LRRTM4: variants seen among roughly 807,000 people sequenced by gnomAD.
The protein encoded by LRRTM4 is leucine-rich repeat transmembrane neuronal protein 4.
In LRRTM4, 25 loss-of-function variants were observed where a neutral mutation model predicts 47.6. The ratio of observed to expected loss-of-function variants is 0.53; its 90% CI spans 0.38 to 0.73. The LOEUF (loss-of-function observed/expected upper bound fraction) is 0.73, where lower values mean the gene tolerates loss of function less well. LRRTM4 is among the 30% of genes least tolerant of loss of function. LRRTM4 has a pLI of 0.00. For missense variants in LRRTM4, 638 were observed against 713.4 expected, an observed-to-expected ratio of 0.89 and a Z score of 1.20; for synonymous variants, 311 against 269.5, an observed-to-expected ratio of 1.15 and a Z score of -1.51.
chr2:76,832,940 A>C (rs938668101), intron 3 of LRRTM4, among the ~76,000 whole-genome samples: 2 of 152,116 alleles, frequency 1.3e-5, no homozygotes, highest in Non-Finnish European at 2.9e-5. Context: ...CAAATTGTCC[A>C]TGTTGAGAAG....
At chr2:77,358,595 T>C (rs1241343937) in intron 3 of LRRTM4, among the ~76,000 whole-genome samples, 1 of 152,194 alleles carries the variant, frequency 6.6e-6, no homozygotes, top group Non-Finnish European at 1.5e-5. Context: ...TATTTGAATA[T>C]TTTTAATAAG....
At chr2:76,830,640 A>G (rs1671323016) in intron 3 of LRRTM4, among the ~76,000 whole-genome samples, 1 of 151,858 alleles carries the variant, frequency 6.6e-6, no homozygotes, top group Non-Finnish European at 1.5e-5. Context: ...TTATATTTAT[A>G]TTAAAATTAA....
At chr2:77,004,958 A>G (rs991998939) in intron 3 of LRRTM4, among the ~76,000 whole-genome samples, 1 of 152,248 alleles carries the variant, frequency 6.6e-6, no homozygotes, top group Admixed American at 6.5e-5. Flanking sequence ...CTCATTTGGA[A>G]TGGGTATATT....
intron 3 of LRRTM4, among the ~76,000 whole-genome samples, chr2:77,189,602 C>T (rs963197134): frequency 6.6e-6 from 1 of 152,072 alleles, no homozygotes; most frequent in Non-Finnish European, 1.5e-5. Context: ...ACCCAAAAGA[C>T]AGTCATCATC....
At chr2:77,148,170 T>C (rs749126644) in intron 3 of LRRTM4, among the ~76,000 whole-genome samples, 1 of 152,202 alleles carries the variant, frequency 6.6e-6, no homozygotes, top group Non-Finnish European at 1.5e-5. Context: ...TCTACCTTCC[T>C]TTCTAACTTT....
intron 3 of LRRTM4, among the ~76,000 whole-genome samples, chr2:76,958,440 A>G (rs1213853998): frequency 1.3e-5 from 2 of 151,796 alleles, no homozygotes; most frequent in African/African-American, 4.8e-5. Context: ...CAGAGGAGAA[A>G]CACCTACGCT....
At chr2:77,426,587 A>G (rs1675113610) in intron 3 of LRRTM4, among the ~76,000 whole-genome samples, 1 of 152,168 alleles carries the variant, frequency 6.6e-6, no homozygotes, top group Non-Finnish European at 1.5e-5. Context: ...TAATTGATTC[A>G]TGGAGCAGTT....
intron 3 of LRRTM4, among the ~76,000 whole-genome samples, chr2:76,932,147 CTT>C (rs1674790637): frequency 6.6e-6 from 1 of 152,036 alleles, no homozygotes; most frequent in South Asian, 2.1e-4. Flanking sequence ...GAAAAAGTAT[CTT>C]GAGCCACGGA....
At chr2:76,990,350 A>C (rs1449606206) in intron 3 of LRRTM4, among the ~76,000 whole-genome samples, 1 of 151,734 alleles carries the variant, frequency 6.6e-6, no homozygotes, top group Non-Finnish European at 1.5e-5. Context: ...CTCACTTAAA[A>C]GGTACAGAGT....
intron 3 of LRRTM4, among the ~76,000 whole-genome samples, chr2:76,894,314 A>G (rs1009510185): frequency 2.6e-5 from 4 of 152,106 alleles, no homozygotes; most frequent in African/African-American, 7.2e-5. Context: ...ATTTGACAAC[A>G]TGGCATAGTA....
chr2:76,966,013 T>G (rs1465787202), intron 3 of LRRTM4, among the ~76,000 whole-genome samples: 2 of 151,450 alleles, frequency 1.3e-5, no homozygotes, highest in East Asian at 3.9e-4. Context: ...TCTACTCTGG[T>G]GGCAAGAGTT....
chr2:77,167,872 C>T (rs945932935), intron 3 of LRRTM4, among the ~76,000 whole-genome samples: 5 of 151,946 alleles, frequency 3.3e-5, no homozygotes, highest in Middle Eastern at 3.4e-3. Flanking sequence ...AATGGGTGCA[C>T]CAGACCAACA....
At chr2:77,453,142 C>G (rs1163432316) in intron 3 of LRRTM4, among the ~76,000 whole-genome samples, 2 of 148,792 alleles carry the variant, frequency 1.3e-5, no homozygotes, top group South Asian at 2.1e-4. Context: ...TTAATATATT[C>G]CACTGTAATT....
At chr2:76,927,609 C>T (rs62170331) in intron 3 of LRRTM4, among the ~76,000 whole-genome samples, 22,953 of 152,100 alleles carry the variant, frequency 0.15, 2,131 homozygotes, top group Admixed American at 0.22. Flanking sequence ...CACTAATTTA[C>T]TTGGGTTTCT....
intron 3 of LRRTM4, among the ~76,000 whole-genome samples, chr2:76,909,832 A>T (rs1172307732): frequency 6.6e-6 from 1 of 152,214 alleles, no homozygotes; most frequent in African/African-American, 2.4e-5. Flanking sequence ...CAATCATTAA[A>T]AAGGCAGGAA....
chr2:77,407,832 T>C, intron 3 of LRRTM4, among the ~76,000 whole-genome samples: 1 of 150,344 alleles, frequency 6.7e-6, no homozygotes, highest in Non-Finnish European at 1.5e-5. Flanking sequence ...TGTCTCCAAC[T>C]GTCTGTTAAC....
intron 3 of LRRTM4, among the ~76,000 whole-genome samples, chr2:77,091,261 C>T (rs1670628655): frequency 6.7e-6 from 1 of 150,280 alleles, no homozygotes; most frequent in South Asian, 2.1e-4. Context: ...CCACCTTAAC[C>T]CACAAGTATA....
At chr2:76,790,817 T>C (rs1333006218) in intron 3 of LRRTM4, among the ~76,000 whole-genome samples, 1 of 152,054 alleles carries the variant, frequency 6.6e-6, no homozygotes, top group African/African-American at 2.4e-5. Flanking sequence ...ATAGAAACAA[T>C]CTAATATCAG....
chr2:77,330,295 A>G lies in LRRTM4; in HGVS notation c.1551+188023T>C, dbSNP rs1173126509. The stretch of plus-strand genomic sequence containing the variant: ...TTAATTGTTGGCTTCCCTAATCTTC[A>G]TTACTTACAATGTGCCCACATGGTT... On this transcript the variant is annotated intron_variant, in intron 3 of 3. Coordinates refer to ENST00000409884, the MANE Select transcript of LRRTM4 (RefSeq NM_001134745.3). Among the ~76,000 whole-genome samples the G allele has an allele frequency of 4.6e-5, 7 of 152,200 alleles. No individual in the cohort carries two copies. The South Asian group carries it at 1.2e-3, about 27-fold the overall frequency.
Sources: allele counts gnomAD v4.1 joint callset (sites outside exome capture counted in the v4.1 genomes callset), GRCh38; gene constraint gnomAD v4.1.1; transcripts MANE v1.5; gene names NCBI Gene and HGNC (gene_info 2026-07-23, HGNC 2026-07-21).